The following RGS6 variants were observed in gnomAD, a reference collection of about 807,000 sequenced individuals.
RGS6 encodes regulator of G-protein signaling 6.
A neutral mutation model predicts 78.5 loss-of-function variants in RGS6; 30 were observed. The observed-to-expected ratio is 0.38, with a 90% CI of 0.29 to 0.52. The LOEUF is 0.52. RGS6 is among the 20% of genes least tolerant of loss of function. The pLI, the probability that RGS6 is intolerant of heterozygous loss-of-function variation, is 0.85. For synonymous variants in RGS6, 206 were observed against 206.0 expected (o/e 1.00, Z 0.00); for missense variants, 495 against 609.7 (o/e 0.81, Z 1.98).
At chr14:72,488,411 C>G (rs1292306580) in intron 12 of RGS6, among the ~76,000 whole-genome samples, 2 of 152,168 alleles carry the variant, frequency 1.3e-5, no homozygotes, top group African/African-American at 2.4e-5. Flanking sequence ...TGGGTGGTCA[C>G]AAAAATCTCA....
chr14:72,443,830 T>G (rs1261433719), intron 3 of RGS6, among the ~76,000 whole-genome samples: 1 of 152,174 alleles, frequency 6.6e-6, no homozygotes, highest in East Asian at 1.9e-4. Flanking sequence ...CAGCTCTGCT[T>G]ATTCGATTCT....
the RGS6 span, among the ~76,000 whole-genome samples, chr14:71,879,666 G>A: frequency 1.3e-5 from 2 of 152,202 alleles, no homozygotes; most frequent in African/African-American, 2.4e-5. Flanking sequence ...CTGCTGCCAT[G>A]TAAAATGTGC....
In RGS6 at chr14:72,295,495, T is replaced by G. The variant is rs1265040790; in HGVS notation, c.85-56600T>G. ...ACCCAGTTTGGAGCCACTGATCTCA[T>G]CACTGCATAGGAGGGAGAGAGAGAG... On this transcript the variant is annotated intron_variant, in intron 2 of 17. Transcript: ENST00000553525. Among the ~76,000 whole-genome samples, 4 of 151,800 alleles carry G rather than the reference T, an allele frequency of 2.6e-5. No homozygotes were observed. The East Asian group carries it at 7.8e-4, about 29-fold the overall frequency.
rs1173191220 is a variant in RGS6, at chr14:72,260,937, G to T, written c.85-91158G>T. On this transcript the variant is annotated intron_variant, in intron 2 of 17. Coordinates refer to ENST00000553525, the MANE Select transcript of RGS6 (RefSeq NM_001204424.2). ...GTGGGGCCAAGCAACATCAGGAAAG[G>T]TAGAGAGTTTGAGCAATTGTTGCTG... Among the ~76,000 whole-genome samples the T allele has an allele frequency of 3.9e-5, 6 of 152,216 alleles. 1 individual carries two copies. The East Asian group carries it at 7.7e-4, about 20-fold the overall frequency.
the RGS6 span, among the ~76,000 whole-genome samples, chr14:72,582,376 C>T: frequency 6.6e-6 from 1 of 152,032 alleles, no homozygotes; most frequent in Non-Finnish European, 1.5e-5. Context: ...TCCCCTGTAT[C>T]TATTATAACG....
At chr14:72,069,919 G>C (rs918463013) in intron 2 of RGS6, among the ~76,000 whole-genome samples, 3 of 152,122 alleles carry the variant, frequency 2.0e-5, no homozygotes, top group Non-Finnish European at 4.4e-5. Context: ...TGCTTACTAC[G>C]TATTTTTGCA....
chr14:71,907,696 C>T, the RGS6 span, among the ~76,000 whole-genome samples: 8,252 of 152,040 alleles, frequency 0.054, 336 homozygotes, highest in Non-Finnish European at 0.084. Flanking sequence ...AAGGCAGATT[C>T]AAGGTGGGAA....
intron 2 of RGS6, among the ~76,000 whole-genome samples, chr14:72,014,073 G>C (rs1376024396): frequency 6.6e-6 from 1 of 152,178 alleles, no homozygotes; most frequent in Non-Finnish European, 1.5e-5. Context: ...GACAGCACAA[G>C]GATCTGCAGT....
At chr14:71,903,275 G>T in the RGS6 span, among the ~76,000 whole-genome samples, 9 of 152,156 alleles carry the variant, frequency 5.9e-5, no homozygotes, top group Admixed American at 5.9e-4. Flanking sequence ...ACCGGTTGAG[G>T]TCCTTGAGAA....
Position 72,562,664 on chromosome 14 carries a change from G to A in RGS6, c.*197G>A. On this transcript the variant is annotated 3_prime_UTR_variant, in exon 18 of 18. Coordinates refer to ENST00000553525, the MANE Select transcript of RGS6 (RefSeq NM_001204424.2). ...CAGAAAGAAAGAGTCCACAGAGCCT[G>A]GGCTGGGCCCGGTGGAGGCTCCTGT... The A allele has an allele frequency of 6.5e-7, 1 of 1,536,186 alleles. No homozygotes were observed. The highest frequency in any genetic ancestry group is 2.0e-5 in the Admixed American group (1 of 51,006).
rs1178850837 is a variant in RGS6, at chr14:72,411,628, C to G, written c.185-42900C>G. Among the ~76,000 whole-genome samples, 4 of 152,174 alleles carry G rather than the reference C, an allele frequency of 2.6e-5. No individual in the cohort carries two copies. In the East Asian group the frequency reaches 7.7e-4, roughly 29 times the overall value. ...GTTGAATAGGAGTGGTGAGAGAGGG[C>G]ATCCCTGTCTTGTGCCAGTTTTCAA... On this transcript the variant is annotated intron_variant, in intron 3 of 17. Transcript: ENST00000553525.
At chr14:72,390,768 C>T (rs1257777155) in intron 3 of RGS6, among the ~76,000 whole-genome samples, 1 of 152,164 alleles carries the variant, frequency 6.6e-6, no homozygotes, top group Non-Finnish European at 1.5e-5. Flanking sequence ...ACTCGTTTTA[C>T]AAGCAAAGAA....
rs58303649 is a variant in RGS6 at position 72,323,800 on chromosome 14, C to CAAAAAAA, written c.85-28260_85-28254dup. ...TGGGTGACAGAGTGAGACTCCATCT[C>CAAAAAAA]AAAAAAAAAAAAAAAAAAAAAAAAA... On this transcript the variant is annotated intron_variant, in intron 2 of 17. Coordinates refer to ENST00000553525, the MANE Select transcript of RGS6 (RefSeq NM_001204424.2). 2.4e-3 allele frequency among the ~76,000 whole-genome samples: 41 copies of CAAAAAAA among 16,822 alleles called. 7 individuals are homozygous for CAAAAAAA. The highest frequency in any genetic ancestry group is 4.2e-3 in the East Asian group (3 of 706). 11.0% of individuals were successfully genotyped at this position (16,822 alleles called of 152,430 possible). A position where few individuals can be genotyped will look rare whatever the true frequency, so the allele number is the denominator to read the frequency against.
At chr14:71,934,883 G>A (rs2152930007) in intron 1 of RGS6, among the ~76,000 whole-genome samples, 1 of 152,178 alleles carries the variant, frequency 6.6e-6, no homozygotes, top group East Asian at 1.9e-4. Flanking sequence ...TCTGTTTCGT[G>A]CCAGGGGTTA....
At chr14:72,150,589 A>G (rs1407710671) in intron 2 of RGS6, among the ~76,000 whole-genome samples, 1 of 152,062 alleles carries the variant, frequency 6.6e-6, no homozygotes, top group Admixed American at 6.5e-5. Context: ...CAGGAAACTT[A>G]CAATCATGGC....
At chr14:72,576,752 C>G in the RGS6 span, among the ~76,000 whole-genome samples, 1 of 152,162 alleles carries the variant, frequency 6.6e-6, no homozygotes, top group Non-Finnish European at 1.5e-5. Context: ...ATCCAACTGC[C>G]CCTTTCCAGT....
intron 1 of RGS6, among the ~76,000 whole-genome samples, chr14:71,952,650 T>C (rs1595128428): frequency 6.6e-6 from 1 of 152,112 alleles, no homozygotes; most frequent in South Asian, 2.1e-4. Context: ...TTTTGGCTGG[T>C]AAGCTTTATG....
chr14:72,090,498 T>C (rs1206228867), intron 2 of RGS6, among the ~76,000 whole-genome samples: 1 of 152,196 alleles, frequency 6.6e-6, no homozygotes, highest in Non-Finnish European at 1.5e-5. Flanking sequence ...TGGTGGTCTG[T>C]CCCTGTCTCC....
At chr14:72,027,850 G>A (rs1307231197) in intron 2 of RGS6, among the ~76,000 whole-genome samples, 1 of 152,196 alleles carries the variant, frequency 6.6e-6, no homozygotes, top group Non-Finnish European at 1.5e-5. Context: ...CAGAAGACTG[G>A]AATAGGCTTC....
Sources: gnomAD v4.1 joint callset for allele counts (sites outside exome capture counted in the v4.1 genomes callset) on GRCh38, gnomAD v4.1.1 for gene constraint, MANE v1.5 for transcripts, NCBI Gene and HGNC (gene_info 2026-07-23, HGNC 2026-07-21) for gene names.